ZNF804A: variants seen among roughly 807,000 people sequenced by gnomAD.
ZNF804A encodes the protein zinc finger protein 804A.
Under a neutral mutation model 16.5 loss-of-function variants are expected in ZNF804A, and 2 were observed. The ratio of observed to expected loss-of-function variants is 0.12; its 90% CI spans 0.05 to 0.38. The LOEUF is 0.38. Among genes scored for constraint, ZNF804A ranks in the 10% least tolerant of loss-of-function variants. ZNF804A has a pLI of 0.99. For missense variants in ZNF804A, 1,473 were observed against 1,390.7 expected, an observed-to-expected ratio of 1.06 and a Z score of -0.94; for synonymous variants, 534 against 489.6, an observed-to-expected ratio of 1.09 and a Z score of -1.20.
At chr2:184,706,895 T>C (rs1693038998) in intron 1 of ZNF804A, among the ~76,000 whole-genome samples, 1 of 152,190 alleles carries the variant, frequency 6.6e-6, no homozygotes, top group African/African-American at 2.4e-5. Context: ...TAAAACTACA[T>C]GAATATCATT....
intron 1 of ZNF804A, among the ~76,000 whole-genome samples, chr2:184,690,426 C>T (rs148907487): frequency 6.6e-6 from 1 of 152,020 alleles, no homozygotes; most frequent in Non-Finnish European, 1.5e-5. Context: ...ATTATAAGCT[C>T]TATATGGAGT....
chr2:184,789,410 A>C (rs1694497965), intron 1 of ZNF804A, among the ~76,000 whole-genome samples: 1 of 152,146 alleles, frequency 6.6e-6, no homozygotes, highest in South Asian at 2.1e-4. Context: ...TAAGATTGAT[A>C]ACAGCTCTTC....
rs1685349775 is a variant in ZNF804A at position 184,911,114 on chromosome 2, A to G, written c.256-22489A>G. The stretch of plus-strand genomic sequence containing the variant: ...TACGATTCTTATAGTTTGAAGTCTT[A>G]CATCTTTAATAAATCTTGAATTAAT... On this transcript the variant is annotated intron_variant, in intron 2 of 3. Transcript: ENST00000302277. Among the ~76,000 whole-genome samples, 4 of 152,070 alleles carry G rather than the reference A, an allele frequency of 2.6e-5. No individual in the cohort carries two copies. In the South Asian group the frequency reaches 8.3e-4, roughly 31 times the overall value.
chr2:184,823,980 C>T (rs1331803603), intron 1 of ZNF804A, among the ~76,000 whole-genome samples: 1 of 152,050 alleles, frequency 6.6e-6, no homozygotes, highest in African/African-American at 2.4e-5. Flanking sequence ...ATTAAGATAT[C>T]TTTACTTTTA....
At chr2:184,918,182 A>G (rs1406039698) in intron 2 of ZNF804A, among the ~76,000 whole-genome samples, 1 of 152,126 alleles carries the variant, frequency 6.6e-6, no homozygotes, top group African/African-American at 2.4e-5. Context: ...AATCAAAATC[A>G]ATCACCTCAC....
intron 2 of ZNF804A, among the ~76,000 whole-genome samples, chr2:184,885,977 ACC>A (rs1558992637): frequency 5.3e-5 from 8 of 152,112 alleles, no homozygotes; most frequent in African/African-American, 1.9e-4. Flanking sequence ...TGCCTTTCCA[ACC>A]GTCTCCTGAA....
chr2:184,617,571 T>G (rs1371448918), intron 1 of ZNF804A, among the ~76,000 whole-genome samples: 1 of 151,684 alleles, frequency 6.6e-6, no homozygotes, highest in Non-Finnish European at 1.5e-5. Flanking sequence ...TACCAATTAT[T>G]TTATTTTAAA....
chr2:184,921,503 G>A (rs1685528588), intron 2 of ZNF804A, among the ~76,000 whole-genome samples: 1 of 151,908 alleles, frequency 6.6e-6, no homozygotes, highest in African/African-American at 2.4e-5. Flanking sequence ...TTTATTTTTG[G>A]TGGATACGTA....
intron 1 of ZNF804A, among the ~76,000 whole-genome samples, chr2:184,724,138 A>G (rs150089527): frequency 6.6e-6 from 1 of 151,804 alleles, no homozygotes. Context: ...TTTCTAAGCT[A>G]TGCACCAGGA....
At chr2:184,715,835 A>T (rs1171669873) in intron 1 of ZNF804A, among the ~76,000 whole-genome samples, 4 of 152,176 alleles carry the variant, frequency 2.6e-5, no homozygotes, top group Non-Finnish European at 5.9e-5. Context: ...CTGATAAGGA[A>T]TTACAATATG....
intron 1 of ZNF804A, among the ~76,000 whole-genome samples, chr2:184,833,071 G>T (rs568332470): frequency 1.3e-5 from 2 of 152,090 alleles, no homozygotes; most frequent in South Asian, 4.1e-4. Context: ...TACTCTTAGA[G>T]AATTGCTTTC....
intron 2 of ZNF804A, among the ~76,000 whole-genome samples, chr2:184,919,932 A>T (rs986639047): frequency 1.3e-5 from 2 of 152,080 alleles, no homozygotes; most frequent in East Asian, 3.9e-4. Flanking sequence ...CCTGGCTAAC[A>T]TGGTGAAATC....
Position 184,939,014 on chromosome 2 carries a change from A to G in ZNF804A, c.3618A>G (p.Gln1206=). The change falls in exon 4 of 4, where the codon CAA becomes CAG. Residue 1206 remains glutamine (Q), a synonymous_variant. Transcript: ENST00000302277. ...LSPHPTVIPL[Q]PLF ...CACACCCTACTGTCATCCCTTTGCA[A>G]CCTCTCTTCTAGTCATCACCATAAT... 6.2e-7 allele frequency: 1 copy of G among 1,613,296 alleles called. No homozygotes were observed. Among genetic ancestry groups the G allele is most frequent in the Non-Finnish European group, 8.5e-7 (1 of 1,179,618 alleles).
At chr2:184,792,738 G>A (rs569961900) in intron 1 of ZNF804A, among the ~76,000 whole-genome samples, 11 of 151,838 alleles carry the variant, frequency 7.2e-5, no homozygotes, top group Admixed American at 5.9e-4. Flanking sequence ...GATCATCTAG[G>A]TTTTCTCTTA....
intron 1 of ZNF804A, among the ~76,000 whole-genome samples, chr2:184,813,871 T>C (rs973154313): frequency 1.3e-5 from 2 of 151,840 alleles, no homozygotes; most frequent in African/African-American, 4.8e-5. Context: ...ATTTTTTCCA[T>C]CAAGATGAAG....
At chr2:184,641,498 T>C (rs1691795511) in intron 1 of ZNF804A, among the ~76,000 whole-genome samples, 1 of 152,182 alleles carries the variant, frequency 6.6e-6, no homozygotes, top group South Asian at 2.1e-4. Flanking sequence ...TGAGCAGGTG[T>C]ACAAATTTGT....
At position 184,939,057 on chromosome 2, in the gene ZNF804A, G is replaced by C. The variant is rs1391462083; in HGVS notation, c.*31G>C. The C allele has an allele frequency of 1.9e-6, 3 of 1,601,798 alleles. No homozygotes were observed. The highest frequency in any genetic ancestry group is 2.6e-6 in the Non-Finnish European group (3 of 1,172,224). ...ACCATAATGGGAAAAAAATACTCTT[G>C]TGAAAACTATTGCTATATGCGTTAA... On this transcript the variant is annotated 3_prime_UTR_variant, in exon 4 of 4. Coordinates refer to ENST00000302277, the MANE Select transcript of ZNF804A (RefSeq NM_194250.2).
chr2:184,878,913 TA>T (rs1684762978), intron 2 of ZNF804A, among the ~76,000 whole-genome samples: 1 of 152,006 alleles, frequency 6.6e-6, no homozygotes, highest in Admixed American at 6.6e-5. Context: ...TGATCATGAA[TA>T]AAGTCTATGG....
chr2:184,763,721 C>A (rs1694075887), intron 1 of ZNF804A, among the ~76,000 whole-genome samples: 1 of 131,658 alleles, frequency 7.6e-6, no homozygotes, highest in Non-Finnish European at 1.6e-5. Flanking sequence ...TGGCTCACTG[C>A]AAGCTCCACC....
Sources: allele counts gnomAD v4.1 joint callset (sites outside exome capture counted in the v4.1 genomes callset), GRCh38; gene constraint gnomAD v4.1.1; transcripts MANE v1.5; gene names NCBI Gene and HGNC (gene_info 2026-07-23, HGNC 2026-07-21).